Variants in LMTK2 observed in about 807,000 individuals in gnomAD.
The protein encoded by LMTK2 is serine/threonine-protein kinase LMTK2.
LMTK2 carries 37 observed loss-of-function variants against 127.5 expected under a neutral mutation model. The ratio of observed to expected loss-of-function variants is 0.29; its 90% confidence interval spans 0.22 to 0.38. The LOEUF (loss-of-function observed/expected upper bound fraction) is 0.38. Ranked by LOEUF, LMTK2 falls within the 10% of genes least tolerant of loss-of-function variation. LMTK2 has a pLI of 1.00. For missense variants in LMTK2, 1,694 were observed against 1,920.3 expected (o/e 0.88, Z 2.20); for synonymous variants, 819 against 810.1 (o/e 1.01, Z -0.19).
chr7:98,145,440 G>C (rs1229457487), intron 3 of LMTK2, among the ~76,000 whole-genome samples: 1 of 152,138 alleles, frequency 6.6e-6, no homozygotes, highest in East Asian at 1.9e-4. Flanking sequence ...CTTATTCTGT[G>C]ATTAAAATAA....
chr7:98,171,393 G>T lies in LMTK2; in HGVS notation c.658-148G>T, dbSNP rs537649992. 8 of 889,698 alleles carry T rather than the reference G, an allele frequency of 9.0e-6. No homozygotes were observed. The highest frequency in any genetic ancestry group is 7.3e-5 in the South Asian group (5 of 68,064). The allele number at this position is 889,698 out of a possible 1,614,324, so 55.1% of individuals were successfully genotyped here. On this transcript the variant is annotated intron_variant, in intron 6 of 13. Transcript: ENST00000297293. The surrounding 1 kb of genome is among the most constrained non-coding windows in gnomAD (Gnocchi z 5.1). ...AAGCATAATAGTGTTCTATACTTTCGCAGTATTGGGTTGGAACTTCTTTAA... is the reference window on the plus strand; with the variant it reads ...AAGCATAATAGTGTTCTATACTTTCTCAGTATTGGGTTGGAACTTCTTTAA...
intron 2 of LMTK2, among the ~76,000 whole-genome samples, chr7:98,137,692 T>G (rs1796614635): frequency 6.6e-6 from 1 of 152,256 alleles, no homozygotes; most frequent in Non-Finnish European, 1.5e-5. Flanking sequence ...AATAAAACTT[T>G]ATTTACACAA....
At chr7:98,133,080 A>T (rs1030015034) in intron 1 of LMTK2, among the ~76,000 whole-genome samples, 1 of 152,212 alleles carries the variant, frequency 6.6e-6, no homozygotes, top group African/African-American at 2.4e-5. Context: ...AAACTATTAA[A>T]TGAAAACTCA....
Position 98,205,746 on chromosome 7 carries a change from G to A in LMTK2, c.*254G>A. 1 of 570,462 alleles carries A rather than the reference G, an allele frequency of 1.8e-6. No individual in the cohort carries two copies. 35.3% of individuals were successfully genotyped at this position (570,462 alleles called of 1,614,324 possible). A position where few individuals can be genotyped will look rare whatever the true frequency, so the allele number is the denominator to read the frequency against. On this transcript the variant is annotated 3_prime_UTR_variant, in exon 14 of 14. Coordinates refer to ENST00000297293, the MANE Select transcript of LMTK2 (RefSeq NM_014916.4). ...TGCACCCGCGGCCGCGGCCTCCCAGGCAGTGCTCATGCGCTGGCCGTCGGG... is the reference window on the plus strand; with the variant it reads ...TGCACCCGCGGCCGCGGCCTCCCAGACAGTGCTCATGCGCTGGCCGTCGGG...
intron 7 of LMTK2, among the ~76,000 whole-genome samples, chr7:98,180,988 T>C (rs1243339182): frequency 1.3e-5 from 2 of 151,986 alleles, no homozygotes; most frequent in African/African-American, 4.8e-5. Flanking sequence ...ATTCAGGGAA[T>C]AGGAGCTGGG....
chr7:98,190,989 A>G, intron 10 of LMTK2, 112 bp downstream of exon 10: 1 of 1,026,162 alleles, frequency 9.7e-7, no homozygotes, highest in Non-Finnish European at 1.5e-6. Context: ...CTCTTTCACC[A>G]TGATGTCACC....
At chr7:98,144,323 G>C (rs1584260631) in intron 3 of LMTK2, among the ~76,000 whole-genome samples, 1 of 151,750 alleles carries the variant, frequency 6.6e-6, no homozygotes, top group Admixed American at 6.6e-5. Flanking sequence ...TTCCCAGCTA[G>C]TCGGGAGGCT....
intron 7 of LMTK2, among the ~76,000 whole-genome samples, chr7:98,172,302 C>A (rs1031445963): frequency 7.8e-6 from 1 of 127,848 alleles, no homozygotes. Flanking sequence ...GACCATAGTT[C>A]TTTTTTTTTT....
chr7:98,109,298 G>A (rs1352271200), intron 1 of LMTK2, among the ~76,000 whole-genome samples: 1 of 152,124 alleles, frequency 6.6e-6, no homozygotes, highest in Non-Finnish European at 1.5e-5. Flanking sequence ...ATCAAATCTT[G>A]ACATACATAT....
At chr7:98,131,400 C>T (rs779902787) in intron 1 of LMTK2, among the ~76,000 whole-genome samples, 11 of 152,036 alleles carry the variant, frequency 7.2e-5, no homozygotes, top group Non-Finnish European at 1.5e-4. Flanking sequence ...TTACATTTTC[C>T]TAGGCTTTTC....
intron 3 of LMTK2, among the ~76,000 whole-genome samples, chr7:98,143,195 C>G (rs1796723286): frequency 6.6e-6 from 1 of 152,148 alleles, no homozygotes; most frequent in African/African-American, 2.4e-5. Context: ...GCCCTGTACC[C>G]TAATATCCCT....
chr7:98,108,496 C>T (rs1444878597), intron 1 of LMTK2, among the ~76,000 whole-genome samples: 1 of 152,150 alleles, frequency 6.6e-6, no homozygotes, highest in African/African-American at 2.4e-5. Context: ...CGTTAAATGT[C>T]CTCATTGTAC....
chr7:98,143,974 C>T (rs1018090736), intron 3 of LMTK2, among the ~76,000 whole-genome samples: 2 of 152,170 alleles, frequency 1.3e-5, no homozygotes, highest in Non-Finnish European at 2.9e-5. Flanking sequence ...CTGTATTTGA[C>T]TACGAAAGAT....
At chr7:98,154,196 G>A (rs924542845) in intron 4 of LMTK2, among the ~76,000 whole-genome samples, 17 of 152,138 alleles carry the variant, frequency 1.1e-4, no homozygotes, top group African/African-American at 1.4e-4. Flanking sequence ...TTCTCATTTC[G>A]TGTTCTGCTG....
chr7:98,159,713 T>C (rs115489967), intron 6 of LMTK2, among the ~76,000 whole-genome samples: 239 of 152,326 alleles, frequency 1.6e-3, no homozygotes, highest in African/African-American at 5.5e-3. Flanking sequence ...ACTTTCCATG[T>C]GATGGCCATG....
At chr7:98,152,581 T>C (rs1423472838) in intron 4 of LMTK2, among the ~76,000 whole-genome samples, 1 of 152,152 alleles carries the variant, frequency 6.6e-6, no homozygotes, top group African/African-American at 2.4e-5. Context: ...CAAAACCCTG[T>C]CTTCACAAGG....
rs146333850 is a variant in LMTK2, at chr7:98,107,206, G to GGCT, written c.46_48dup (p.Leu16dup). 400 of 1,455,856 alleles carry GGCT rather than the reference G, an allele frequency of 2.7e-4. 2 individuals carry two copies. Among genetic ancestry groups the GGCT allele is most frequent in the African/African-American group, 2.5e-3 (166 of 67,454 alleles). The allele number at this position is 1,455,856 out of a possible 1,614,324, so 90.2% of individuals were successfully genotyped here. On this transcript the variant is annotated inframe_insertion, in exon 1 of 14. Coordinates refer to ENST00000297293, the MANE Select transcript of LMTK2 (RefSeq NM_014916.4). ...CCGGGGCCGCCGGCGTTGCGGCGGA[G>GGCT]GCTGCTGCTGCTGCTGCTGGTCCTC...
chr7:98,202,819 C>T (rs1221390435), intron 11 of LMTK2, among the ~76,000 whole-genome samples: 1 of 152,214 alleles, frequency 6.6e-6, no homozygotes, highest in Admixed American at 6.5e-5. Context: ...TTTTGAGCTC[C>T]TCCCTCTTCT....
At chr7:98,202,274 T>G (rs1014630854) in intron 11 of LMTK2, among the ~76,000 whole-genome samples, 2 of 152,208 alleles carry the variant, frequency 1.3e-5, no homozygotes, top group Non-Finnish European at 2.9e-5. Flanking sequence ...GAGTTTTGCT[T>G]TTTGTCATTC....
Sources: allele counts gnomAD v4.1 joint callset (sites outside exome capture counted in the v4.1 genomes callset), GRCh38; gene constraint gnomAD v4.1.1; non-coding constraint Gnocchi (gnomAD v3.1); transcripts MANE v1.5; gene names NCBI Gene and HGNC (gene_info 2026-07-23, HGNC 2026-07-21).